CRHR1: variants seen among roughly 807,000 people sequenced by gnomAD.
CRHR1 encodes corticotropin-releasing hormone receptor 1.
A neutral mutation model predicts 56.0 loss-of-function variants in CRHR1; 28 were observed. The observed-to-expected ratio is 0.50, with a 90% CI of 0.37 to 0.69. The LOEUF is 0.69. Among genes scored for constraint, CRHR1 ranks in the 30% least tolerant of loss-of-function variants. The pLI is 0.00. For synonymous variants in CRHR1, 195 were observed against 216.5 expected, an observed-to-expected ratio of 0.90 and a Z score of 0.87; for missense variants, 376 against 548.0, an observed-to-expected ratio of 0.69 and a Z score of 3.13.
At chr17:45,826,677 C>G (rs2062169922) in intron 4 of CRHR1, 1 of 152,264 alleles carries the variant, frequency 6.6e-6, no homozygotes, top group Non-Finnish European at 1.5e-5. Flanking sequence ...GCTTGTCCCC[C>G]AAGAAATGTC....
At chr17:45,824,802 G>T (rs1466449165) in intron 4 of CRHR1, among the ~76,000 whole-genome samples, 1 of 152,126 alleles carries the variant, frequency 6.6e-6, no homozygotes, top group Non-Finnish European at 1.5e-5. Flanking sequence ...GGGATGGAAG[G>T]GTGGTGTTGG....
rs117509589 is a variant in CRHR1, at chr17:45,784,916, T to C, written c.33+339T>C. On this transcript the variant is annotated intron_variant, in intron 1 of 12. Coordinates refer to ENST00000314537, the MANE Select transcript of CRHR1 (RefSeq NM_004382.5). This position sits in a 1 kb window ranked among gnomAD's most constrained non-coding sequence, Gnocchi z 4.2. ...AGGGGAGGTTCCACCTCCCACGCCC[T>C]TCCTGCAGACCTCGGCCCCGGGACT... Among the ~76,000 whole-genome samples the C allele has an allele frequency of 1.9e-3, 282 of 152,182 alleles. 13 individuals carry two copies. In the East Asian group the frequency reaches 0.046, roughly 25 times the overall value.
Position 45,834,903 on chromosome 17 carries a change from G to A in CRHR1, c.*139G>A. The A allele has an allele frequency of 3.4e-6, 4 of 1,171,226 alleles. No homozygotes were observed. The highest frequency in any genetic ancestry group is 4.8e-6 in the Non-Finnish European group (4 of 833,556). 72.6% of individuals were successfully genotyped at this position (1,171,226 alleles called of 1,614,324 possible). On this transcript the variant is annotated 3_prime_UTR_variant, in exon 13 of 13. Coordinates refer to ENST00000314537, the MANE Select transcript of CRHR1 (RefSeq NM_004382.5). Reference sequence around the variant, plus strand: ...AGGAGCAGCTGGCACTGACAGCCTGGGGGGGCCGCTCTCCCCCTGCAGCCG... The same window carrying A: ...AGGAGCAGCTGGCACTGACAGCCTGAGGGGGCCGCTCTCCCCCTGCAGCCG...
intron 3 of CRHR1, among the ~76,000 whole-genome samples, chr17:45,817,700 G>A (rs959931360): frequency 1.3e-5 from 2 of 152,184 alleles, no homozygotes; most frequent in African/African-American, 4.8e-5. Flanking sequence ...GACTTGGGAG[G>A]CCAGGGCAGG....
chr17:45,825,183 C>T (rs1027353702), intron 4 of CRHR1, among the ~76,000 whole-genome samples: 9 of 152,148 alleles, frequency 5.9e-5, no homozygotes, highest in Non-Finnish European at 1.2e-4. Context: ...ATAATGGATT[C>T]GCAGAAGTCT....
At chr17:45,810,469 G>A (rs1426465214) in intron 2 of CRHR1, among the ~76,000 whole-genome samples, 3 of 152,152 alleles carry the variant, frequency 2.0e-5, no homozygotes, top group Non-Finnish European at 4.4e-5. Context: ...AACACACTAA[G>A]CAGTTACTAA....
intron 4 of CRHR1, among the ~76,000 whole-genome samples, chr17:45,823,882 C>T (rs186883210): frequency 6.6e-6 from 1 of 152,216 alleles, no homozygotes; most frequent in African/African-American, 2.4e-5. Flanking sequence ...AGTTCTTCCA[C>T]GGTGCTGCTC....
intron 8 of CRHR1, among the ~76,000 whole-genome samples, chr17:45,832,640 C>A (rs1400997904): frequency 2.6e-5 from 4 of 152,214 alleles, no homozygotes; most frequent in Non-Finnish European, 5.9e-5. Flanking sequence ...AAGCAATTAC[C>A]TCCTGCAGCA....
At chr17:45,827,955 C>G (rs2062201959) in intron 4 of CRHR1, 1 of 152,258 alleles carries the variant, frequency 6.6e-6, no homozygotes, top group Non-Finnish European at 1.5e-5. Context: ...CAGTGCTTCT[C>G]AGCACTTGCA....
In CRHR1 at chr17:45,829,333, C is replaced by G; in HGVS notation, c.434+12C>G. ...TTTCTGCGGCTCAGGTGAGAAGACC[C>G]CAGCACTGCCTCCTCCTGTCCCCAG... On this transcript the variant is annotated intron_variant, in intron 5 of 12. Transcript: ENST00000314537. 1 of 1,602,320 alleles carries G rather than the reference C, an allele frequency of 6.2e-7. No individual in the cohort carries two copies. The highest frequency in any genetic ancestry group is 1.1e-5 in the South Asian group (1 of 90,366).
intron 8 of CRHR1, among the ~76,000 whole-genome samples, chr17:45,832,570 G>C (rs1290515392): frequency 6.6e-6 from 1 of 152,204 alleles, no homozygotes; most frequent in Non-Finnish European, 1.5e-5. Context: ...AGTTTGTCTG[G>C]TCCCCACCCA....
chr17:45,789,425 G>A (rs2061389507), intron 1 of CRHR1, among the ~76,000 whole-genome samples: 2 of 151,030 alleles, frequency 1.3e-5, no homozygotes, highest in Admixed American at 1.3e-4. Context: ...AGGCTGGAGT[G>A]CAGTGGTGTG....
At position 45,786,127 on chromosome 17, in the gene CRHR1, C is replaced by CTTT. The variant is rs66781068; in HGVS notation, c.33+1561_33+1563dup. Among the ~76,000 whole-genome samples, 114 of 145,566 alleles carry CTTT rather than the reference C, an allele frequency of 7.8e-4. 1 individual carries two copies. The highest frequency in any genetic ancestry group is 3.6e-3 in the Middle Eastern group (1 of 280). ...AACTGAACTGCGGGTGTTTTCTTTT[C>CTTT]TTTTTTTTTTTTTCAGGTTTACGCG... On this transcript the variant is annotated intron_variant, in intron 1 of 12. Transcript: ENST00000314537.
intron 1 of CRHR1, among the ~76,000 whole-genome samples, chr17:45,786,806 A>G (rs560153135): frequency 6.6e-6 from 1 of 151,902 alleles, no homozygotes; most frequent in Non-Finnish European, 1.5e-5. Context: ...ACACCCAGCT[A>G]ATCTTTGTAT....
chr17:45,816,176 G>A (rs1481047372), intron 2 of CRHR1, among the ~76,000 whole-genome samples: 11 of 152,286 alleles, frequency 7.2e-5, no homozygotes, highest in Non-Finnish European at 1.2e-4. Context: ...TCCTCTAAAT[G>A]CCAGGACCTT....
chr17:45,822,420 C>T (rs17762954), intron 4 of CRHR1, among the ~76,000 whole-genome samples: 21,822 of 152,272 alleles, frequency 0.14, 2,138 homozygotes, highest in Middle Eastern at 0.22. Flanking sequence ...TCCCTTGGTG[C>T]TGAGGAAGAC....
chr17:45,829,445 C>A, intron 5 of CRHR1, 124 bp downstream of exon 5: 2 of 1,326,650 alleles, frequency 1.5e-6, no homozygotes, highest in Admixed American at 2.1e-5. Flanking sequence ...CAGGGGCTGG[C>A]TTATCTGAGA....
intron 4 of CRHR1, among the ~76,000 whole-genome samples, chr17:45,828,345 A>G (rs2062212635): frequency 6.6e-6 from 1 of 152,244 alleles, no homozygotes; most frequent in Non-Finnish European, 1.5e-5. Flanking sequence ...GCGCGTCAGC[A>G]TAACCTCTGT....
chr17:45,834,594 C>T (rs2062395341), intron 12 of CRHR1, 30 bp from the exon 13 acceptor site: 1 of 1,589,072 alleles, frequency 6.3e-7, no homozygotes, highest in African/African-American at 1.3e-5. Flanking sequence ...GCCACAGGCT[C>T]AGATGTCGTG....
Sources: gnomAD v4.1 joint callset for allele counts (sites outside exome capture counted in the v4.1 genomes callset) on GRCh38, gnomAD v4.1.1 for gene constraint, Gnocchi (gnomAD v3.1) non-coding constraint, MANE v1.5 for transcripts, NCBI Gene and HGNC (gene_info 2026-07-23, HGNC 2026-07-21) for gene names.